NPRL3: variants seen among roughly 807,000 people sequenced by gnomAD.
The protein encoded by NPRL3 is GATOR1 complex protein NPRL3.
Under a neutral mutation model 57.2 loss-of-function variants are expected in NPRL3, and 23 were observed. The ratio of observed to expected loss-of-function variants is 0.40; its 90% CI spans 0.29 to 0.57. The LOEUF (loss-of-function observed/expected upper bound fraction) is 0.57, where lower values mean the gene tolerates loss of function less well. Among genes scored for constraint, NPRL3 ranks in the 20% least tolerant of loss-of-function variants. The pLI, the probability that NPRL3 is intolerant of heterozygous loss-of-function variation, is 0.42. For synonymous variants in NPRL3, 333 were observed against 321.1 expected (o/e 1.04, Z -0.39); for missense variants, 691 against 767.1 (o/e 0.90, Z 1.17).
intron 2 of NPRL3, among the ~76,000 whole-genome samples, chr16:131,597 C>CAAAAAAAAAAAAAAAAAA (rs59373757): frequency 1.4e-5 from 1 of 69,718 alleles, no homozygotes. Flanking sequence ...GACTCAGTCT[C>CAAAAAAAAAAAAAAAAAA]AAAAAAAAAA....
Position 112,670 on chromosome 16 carries a change from C to T in NPRL3, c.499G>A (p.Ala167Thr), listed in dbSNP as rs569119130. The part of the protein sequence containing the change: ...ERRCQYLTRE[A>T]KLILALQDEV... ...TCCTGGAGCGCCAGGATCAGCTTGG[C>T]CTCCCGGGTGAGGTACTGGCAGCGG... The change falls in exon 6 of 14, where the codon GCC (alanine) becomes ACC (threonine). Residue 167 changes from alanine (A) to threonine (T), a missense_variant. By Grantham distance (58) the Ala-to-Thr change is moderately conservative. Transcript: ENST00000611875. 3 of 1,607,392 alleles carry T rather than the reference C, an allele frequency of 1.9e-6. No individual in the cohort carries two copies. Among genetic ancestry groups the T allele is most frequent in the East Asian group, 2.2e-5 (1 of 44,608 alleles).
chr16:93,587 G>A (rs2141910131), intron 9 of NPRL3, among the ~76,000 whole-genome samples: 1 of 145,222 alleles, frequency 6.9e-6, no homozygotes, highest in East Asian at 2.0e-4. Flanking sequence ...TTTTTTTGGA[G>A]ACAGTCTTGC....
At position 98,293 on chromosome 16, in the gene NPRL3, T is replaced by C. The variant is rs1899109777; in HGVS notation, c.776A>G (p.His259Arg). ...CTCATCACTGAGCAGCAGCAGGGCA[T>C]GGTAGGGGCTGCAAAACAATCACCT... The part of the protein sequence containing the change: ...ERSLKAIRPY[H>R]ALLLLSDEKS... The change falls in exon 9 of 14, where the codon CAT becomes CGT. Residue 259 changes from histidine to arginine, a missense_variant. His to Arg is a conservative substitution (Grantham distance 29). Transcript: ENST00000611875. The C allele has an allele frequency of 6.2e-7, 1 of 1,612,758 alleles. No homozygotes were observed. The highest frequency in any genetic ancestry group is 8.5e-7 in the Non-Finnish European group (1 of 1,179,454).
At chr16:90,488 C>T (rs1898717547) in intron 11 of NPRL3, 2 of 152,612 alleles carry the variant, frequency 1.3e-5, no homozygotes, top group Admixed American at 1.3e-4. Flanking sequence ...CCCCCACCCC[C>T]ACCGTGAGAA....
At chr16:104,216 C>A (rs955594539) in intron 7 of NPRL3, among the ~76,000 whole-genome samples, 1 of 151,354 alleles carries the variant, frequency 6.6e-6, no homozygotes, top group Non-Finnish European at 1.5e-5. Flanking sequence ...TCACTTGAAC[C>A]CAGGAGGCGG....
At chr16:137,919 T>C (rs906726899) in intron 2 of NPRL3, among the ~76,000 whole-genome samples, 1 of 152,150 alleles carries the variant, frequency 6.6e-6, no homozygotes, top group African/African-American at 2.4e-5. Context: ...TATTTTACTT[T>C]ATTTTTTAAA....
chr16:103,588 G>A (rs1357695351), intron 7 of NPRL3, among the ~76,000 whole-genome samples: 2 of 152,094 alleles, frequency 1.3e-5, no homozygotes, highest in African/African-American at 2.4e-5. Context: ...GACATGTGCT[G>A]TGGCTCCCAG....
rs1044203107 is a variant in NPRL3, at chr16:135,047, G to T, written c.118+3103C>A. Among the ~76,000 whole-genome samples, 7 of 152,288 alleles carry T rather than the reference G, an allele frequency of 4.6e-5. No individual in the cohort carries two copies. The East Asian group carries it at 1.4e-3, about 29-fold the overall frequency. ...AACCTACACATAGATCATTGGAGGA[G>T]ATAAGAAAGACAAAAAATAGATCCA... On this transcript the variant is annotated intron_variant, in intron 2 of 13. Coordinates refer to ENST00000611875, the MANE Select transcript of NPRL3 (RefSeq NM_001077350.3).
At chr16:98,355 G>T in intron 8 of NPRL3, 54 bp from the exon 9 acceptor site, 1 of 1,565,494 alleles carries the variant, frequency 6.4e-7, no homozygotes, top group Non-Finnish European at 8.7e-7. Flanking sequence ...CCCTGCACCG[G>T]GTATGCACCA....
intron 11 of NPRL3, among the ~76,000 whole-genome samples, chr16:92,220 C>T (rs1017518993): frequency 6.6e-6 from 1 of 152,214 alleles, no homozygotes; most frequent in African/African-American, 2.4e-5. Flanking sequence ...GAGAACAAAA[C>T]TGCCTTTGCA....
intron 3 of NPRL3, among the ~76,000 whole-genome samples, chr16:129,646 A>G (rs1196417698): frequency 1.3e-5 from 2 of 152,190 alleles, no homozygotes; most frequent in Non-Finnish European, 2.9e-5. Flanking sequence ...GCAAGACCCC[A>G]TCTCTACAAT....
At chr16:99,055 T>C (rs1332567353) in intron 8 of NPRL3, among the ~76,000 whole-genome samples, 1 of 152,078 alleles carries the variant, frequency 6.6e-6, no homozygotes, top group Non-Finnish European at 1.5e-5. Context: ...CCAGCAAACA[T>C]CTGTTGATTG....
intron 7 of NPRL3, among the ~76,000 whole-genome samples, chr16:106,445 T>C (rs1387322533): frequency 1.3e-5 from 2 of 151,716 alleles, no homozygotes; most frequent in Non-Finnish European, 2.9e-5. Flanking sequence ...TCAGCCAGGG[T>C]AACATGGCAA....
chr16:89,966 G>A (rs912380348), intron 11 of NPRL3, 64 bp from the exon 12 acceptor site: 2 of 1,453,782 alleles, frequency 1.4e-6, no homozygotes, highest in African/African-American at 1.4e-5. Context: ...GGGTGATCAG[G>A]GAGCCATGGC....
chr16:95,424 C>T (rs1898966407), intron 9 of NPRL3, among the ~76,000 whole-genome samples: 1 of 148,542 alleles, frequency 6.7e-6, no homozygotes, highest in Admixed American at 6.7e-5. Flanking sequence ...CTGGAGGGAT[C>T]TAGGTTACCT....
At chr16:108,663 GT>G (rs1424769084) in intron 7 of NPRL3, among the ~76,000 whole-genome samples, 1 of 91,308 alleles carries the variant, frequency 1.1e-5, no homozygotes, top group Non-Finnish European at 2.4e-5. Context: ...TTTTACTTTT[GT>G]TTTTTAATTT....
In NPRL3 at chr16:86,687, TC is replaced by T; in HGVS notation, c.*17del. ...GCCCACCTGCGCACCCCAGCAGCCT[TC>T]CGCCCTCCGCCTGGGCTCAGGGGAG... On this transcript the variant is annotated 3_prime_UTR_variant, in exon 14 of 14. Coordinates refer to ENST00000611875, the MANE Select transcript of NPRL3 (RefSeq NM_001077350.3). The T allele has an allele frequency of 2.6e-6, 4 of 1,541,232 alleles. No individual in the cohort carries two copies. The highest frequency in any genetic ancestry group is 3.5e-6 in the Non-Finnish European group (4 of 1,141,926).
At chr16:132,012 T>C (rs76979879) in intron 2 of NPRL3, among the ~76,000 whole-genome samples, 5 of 60,852 alleles carry the variant, frequency 8.2e-5, no homozygotes, top group Admixed American at 2.4e-4. Context: ...TTCTTTCTTT[T>C]TTTTTTTTTT....
intron 10 of NPRL3, 141 bp from the exon 11 acceptor site, chr16:92,866 G>C: frequency 6.5e-6 from 7 of 1,083,018 alleles, no homozygotes; most frequent in African/African-American, 1.6e-5. Flanking sequence ...ATGAGGCCAG[G>C]CAGGCCTCCA....
Sources: allele counts gnomAD v4.1 joint callset (sites outside exome capture counted in the v4.1 genomes callset), GRCh38; gene constraint gnomAD v4.1.1; transcripts MANE v1.5; gene names NCBI Gene and HGNC (gene_info 2026-07-23, HGNC 2026-07-21).